ABCA13: variants seen among roughly 807,000 people sequenced by gnomAD.
ABCA13 encodes ATP binding cassette subfamily A member 13.
Under a neutral mutation model 478.7 loss-of-function variants are expected in ABCA13, and 476 were observed. The ratio of observed to expected loss-of-function variants is 0.99; its 90% CI spans 0.92 to 1.07. The LOEUF is 1.07. Ranked by LOEUF, ABCA13 falls within the 50% of genes least tolerant of loss-of-function variation. ABCA13 has a pLI of 0.00. For synonymous variants in ABCA13, 2,252 were observed against 2,158.9 expected, an observed-to-expected ratio of 1.04 and a Z score of -1.20; for missense variants, 6,060 against 5,910.6, an observed-to-expected ratio of 1.03 and a Z score of -0.83.
intron 3 of ABCA13, among the ~76,000 whole-genome samples, chr7:48,203,210 G>A (rs556571521): frequency 2.2e-4 from 34 of 151,510 alleles, no homozygotes; most frequent in Admixed American, 2.1e-3. Context: ...CTCCGAGTGC[G>A]GGCGGGGCCC....
At chr7:48,394,528 T>C (rs1405407052) in intron 38 of ABCA13, among the ~76,000 whole-genome samples, 1 of 152,196 alleles carries the variant, frequency 6.6e-6, no homozygotes, top group Admixed American at 6.5e-5. Context: ...CTCTGGCTCT[T>C]ATTTACGACA....
intron 23 of ABCA13, among the ~76,000 whole-genome samples, chr7:48,304,204 C>T (rs937803408): frequency 7.2e-5 from 11 of 152,228 alleles, no homozygotes; most frequent in Middle Eastern, 3.4e-3. Flanking sequence ...ATTTCCATCA[C>T]GACTTCTTAA....
chr7:48,609,470 A>G (rs1416227802), intron 58 of ABCA13, among the ~76,000 whole-genome samples: 1 of 152,134 alleles, frequency 6.6e-6, no homozygotes, highest in Non-Finnish European at 1.5e-5. Flanking sequence ...TTTCCCCTGA[A>G]TTTTGAGTTT....
intron 41 of ABCA13, among the ~76,000 whole-genome samples, chr7:48,413,726 T>A (rs1346658412): frequency 6.6e-6 from 1 of 152,230 alleles, no homozygotes; most frequent in African/African-American, 2.4e-5. Flanking sequence ...CCCAAGTAGA[T>A]AGCCTCCATC....
chr7:48,485,356 T>G (rs1163729322), intron 47 of ABCA13, among the ~76,000 whole-genome samples: 1 of 152,176 alleles, frequency 6.6e-6, no homozygotes, highest in African/African-American at 2.4e-5. Flanking sequence ...TTATTGGACT[T>G]TATCACTTCG....
chr7:48,193,230 CT>C (rs1448215989), intron 2 of ABCA13, among the ~76,000 whole-genome samples, 178 bp downstream of exon 2: 1 of 152,100 alleles, frequency 6.6e-6, no homozygotes, highest in Non-Finnish European at 1.5e-5. Flanking sequence ...TAGGTTTTGT[CT>C]TTTAAGAATG....
intron 55 of ABCA13, among the ~76,000 whole-genome samples, chr7:48,564,499 A>G (rs1427065096): frequency 1.3e-5 from 2 of 149,154 alleles, no homozygotes; most frequent in African/African-American, 4.9e-5. Context: ...CTGTGCTCAC[A>G]TAGGAATTTG....
At chr7:48,343,614 G>A (rs547210102) in intron 29 of ABCA13, among the ~76,000 whole-genome samples, 19 of 151,900 alleles carry the variant, frequency 1.3e-4, no homozygotes, top group African/African-American at 3.9e-4. Flanking sequence ...TTTCAATAGG[G>A]TTTTGGGGAG....
At chr7:48,639,841 A>T (rs949819501) in intron 59 of ABCA13, among the ~76,000 whole-genome samples, 2 of 152,240 alleles carry the variant, frequency 1.3e-5, no homozygotes, top group Admixed American at 6.5e-5. Flanking sequence ...ATGATTTTTA[A>T]AATCAGAAAC....
chr7:48,284,902 TCATA>T (rs1228760658), intron 19 of ABCA13, among the ~76,000 whole-genome samples: 2 of 152,078 alleles, frequency 1.3e-5, no homozygotes, highest in Non-Finnish European at 2.9e-5. Flanking sequence ...TCCTCTCCCA[TCATA>T]TAAAGGGAAC....
chr7:48,329,281 G>C (rs1176030816), intron 27 of ABCA13, among the ~76,000 whole-genome samples: 1 of 152,196 alleles, frequency 6.6e-6, no homozygotes, highest in African/African-American at 2.4e-5. Context: ...AGGGGACAGA[G>C]TAGAACCCTT....
chr7:48,591,602 A>T (rs539905486), intron 57 of ABCA13, among the ~76,000 whole-genome samples: 1 of 151,974 alleles, frequency 6.6e-6, no homozygotes, highest in East Asian at 1.9e-4. Flanking sequence ...CTTTCAATCC[A>T]TGTACATGGA....
intron 55 of ABCA13, among the ~76,000 whole-genome samples, chr7:48,530,193 T>C (rs899885264): frequency 1.3e-5 from 2 of 152,036 alleles, no homozygotes; most frequent in Admixed American, 1.3e-4. Flanking sequence ...GAATGCTTGG[T>C]TTTTCATTCC....
intron 32 of ABCA13, among the ~76,000 whole-genome samples, chr7:48,368,776 T>C (rs1026379060): frequency 6.3e-5 from 9 of 143,476 alleles, no homozygotes; most frequent in South Asian, 4.4e-4. Flanking sequence ...CATATACATA[T>C]ACACACACAC....
intron 56 of ABCA13, among the ~76,000 whole-genome samples, chr7:48,586,657 A>C (rs1789210771): frequency 6.6e-6 from 1 of 152,168 alleles, no homozygotes; most frequent in African/African-American, 2.4e-5. Flanking sequence ...TGGGATCATT[A>C]GAAGCCCAAA....
intron 15 of ABCA13, among the ~76,000 whole-genome samples, chr7:48,259,333 T>G (rs1421744545): frequency 6.6e-6 from 1 of 152,190 alleles, no homozygotes; most frequent in Non-Finnish European, 1.5e-5. Flanking sequence ...CTTGTTGGAT[T>G]GAACCTTTAC....
intron 55 of ABCA13, among the ~76,000 whole-genome samples, chr7:48,533,403 T>A (rs1026416360): frequency 6.6e-6 from 1 of 152,112 alleles, no homozygotes; most frequent in Non-Finnish European, 1.5e-5. Flanking sequence ...CTCAGACTTG[T>A]TTTGTGTCCT....
chr7:48,463,621 G>T (rs1434607032), intron 43 of ABCA13, among the ~76,000 whole-genome samples: 7 of 152,062 alleles, frequency 4.6e-5, no homozygotes, highest in Admixed American at 4.6e-4. Context: ...GAATTTGCTT[G>T]GCTAGTAGCA....
intron 42 of ABCA13, among the ~76,000 whole-genome samples, chr7:48,438,884 G>GTTTTTT (rs59630845): frequency 1.4e-5 from 2 of 139,422 alleles, no homozygotes; most frequent in Non-Finnish European, 3.1e-5. Flanking sequence ...TTTTGCTAAG[G>GTTTTTT]TTTTTTTTTT....
Sources: allele counts gnomAD v4.1 joint callset (sites outside exome capture counted in the v4.1 genomes callset), GRCh38; gene constraint gnomAD v4.1.1; transcripts MANE v1.5; gene names NCBI Gene and HGNC (gene_info 2026-07-23, HGNC 2026-07-21).